Variants in MAF observed in about 807,000 individuals in gnomAD.
The protein encoded by MAF is MAF bZIP transcription factor.
In MAF, 10 loss-of-function variants were observed where a neutral mutation model predicts 22.0. The observed-to-expected ratio is 0.45, with a 90% CI of 0.28 to 0.77. MAF has a LOEUF of 0.77. MAF is among the 30% of genes least tolerant of loss of function. The pLI, the probability that MAF is intolerant of heterozygous loss-of-function variation, is 0.12. For synonymous variants in MAF, 337 were observed against 255.8 expected (o/e 1.32, Z -3.03); for missense variants, 544 against 548.4 (o/e 0.99, Z 0.08).
the MAF span, among the ~76,000 whole-genome samples, chr16:79,502,811 TA>T: frequency 4.9e-5 from 7 of 142,034 alleles, no homozygotes; most frequent in South Asian, 2.2e-4. Context: ...GGATTAATTA[TA>T]AAAAAAAACC....
the MAF span, among the ~76,000 whole-genome samples, chr16:79,310,809 G>T: frequency 6.6e-5 from 10 of 152,198 alleles, no homozygotes; most frequent in Admixed American, 5.9e-4. Context: ...GCCCTGAGTA[G>T]TCCCTGGTCG....
the MAF span, among the ~76,000 whole-genome samples, chr16:79,377,877 A>T: frequency 6.6e-6 from 1 of 152,022 alleles, no homozygotes; most frequent in East Asian, 1.9e-4. Flanking sequence ...GTTCTGTTCC[A>T]TTGGTCTATA....
the MAF span, among the ~76,000 whole-genome samples, chr16:79,551,818 G>A: frequency 1.3e-5 from 2 of 152,146 alleles, no homozygotes; most frequent in Non-Finnish European, 2.9e-5. Context: ...TAATGGCAGA[G>A]TAGCTGAGTA....
At chr16:79,442,495 C>A in the MAF span, among the ~76,000 whole-genome samples, 1 of 152,100 alleles carries the variant, frequency 6.6e-6, no homozygotes, top group Non-Finnish European at 1.5e-5. Flanking sequence ...CGTTGGCACC[C>A]CAAAATGCTA....
At chr16:79,368,706 A>T in the MAF span, among the ~76,000 whole-genome samples, 2 of 152,108 alleles carry the variant, frequency 1.3e-5, no homozygotes, top group Non-Finnish European at 2.9e-5. Context: ...TGGCTAGTGT[A>T]TATTTCTGGA....
the MAF span, among the ~76,000 whole-genome samples, chr16:79,458,152 G>GTGTGTGTGTGTGTGTGT: frequency 6.9e-6 from 1 of 145,526 alleles, no homozygotes; most frequent in African/African-American, 2.6e-5. Flanking sequence ...GTGTGTCTTT[G>GTGTGTGTGTGTGTGTGT]CTGTGTGACT....
At chr16:79,533,988 C>A in the MAF span, among the ~76,000 whole-genome samples, 1 of 152,182 alleles carries the variant, frequency 6.6e-6, no homozygotes, top group Admixed American at 6.5e-5. Context: ...ATGCTCCCCT[C>A]AGCTCACCTG....
the MAF span, among the ~76,000 whole-genome samples, chr16:79,547,280 C>T: frequency 7.9e-5 from 12 of 152,116 alleles, no homozygotes; most frequent in East Asian, 1.9e-4. Flanking sequence ...TATCTACACA[C>T]GCACATACAC....
chr16:79,206,461 T>C, the MAF span: 6 of 152,318 alleles, frequency 3.9e-5, no homozygotes, highest in East Asian at 1.2e-3. Context: ...TCTAAATAAA[T>C]GGAAATACTA....
the MAF span, among the ~76,000 whole-genome samples, chr16:79,298,000 G>C: frequency 6.6e-6 from 1 of 152,240 alleles, no homozygotes; most frequent in Non-Finnish European, 1.5e-5. Flanking sequence ...GTCATGACCA[G>C]CTATGTAATT....
At chr16:79,583,954 G>A (rs1912684500), downstream of MAF, among the ~76,000 whole-genome samples, 1 of 152,194 alleles carries the variant, frequency 6.6e-6, no homozygotes, top group South Asian at 2.1e-4. Flanking sequence ...TGGTTGATGT[G>A]CGTATGTTAA....
chr16:79,596,750 ATTTTT>A (rs1263731040), intron 1 of MAF: 2 of 1,041,038 alleles, frequency 1.9e-6, no homozygotes, highest in African/African-American at 1.7e-5. Flanking sequence ...AAAACTGTGG[ATTTTT>A]TTTTAAGTTA....
chr16:79,389,207 G>T, the MAF span, among the ~76,000 whole-genome samples: 3 of 152,120 alleles, frequency 2.0e-5, no homozygotes, highest in Non-Finnish European at 2.9e-5. Flanking sequence ...ACCACTGTGG[G>T]GATGGGAAAG....
At chr16:79,558,075 T>G in the MAF span, among the ~76,000 whole-genome samples, 66,193 of 150,834 alleles carry the variant, frequency 0.44, 14,883 homozygotes, top group Admixed American at 0.5. Context: ...TGGAAACTGA[T>G]CACTGAATTG....
At chr16:79,493,023 AC>A in the MAF span, among the ~76,000 whole-genome samples, 1 of 151,950 alleles carries the variant, frequency 6.6e-6, no homozygotes, top group Non-Finnish European at 1.5e-5. Context: ...CAGTGGCACA[AC>A]CTCAGCTCAC....
At chr16:79,474,739 G>A in the MAF span, among the ~76,000 whole-genome samples, 10 of 152,260 alleles carry the variant, frequency 6.6e-5, no homozygotes, top group African/African-American at 1.9e-4. Flanking sequence ...CCTTGAGCAT[G>A]AGCATGACCC....
chr16:79,300,337 A>T, the MAF span, among the ~76,000 whole-genome samples: 25 of 152,082 alleles, frequency 1.6e-4, 1 homozygote, highest in East Asian at 4.8e-3. Flanking sequence ...CAGGTGGATC[A>T]CCAGGTCAGG....
At chr16:79,567,043 G>A in the MAF span, among the ~76,000 whole-genome samples, 1 of 152,188 alleles carries the variant, frequency 6.6e-6, no homozygotes, top group Admixed American at 6.5e-5. Flanking sequence ...CATTAGGTGG[G>A]GCATGGTGGC....
the MAF span, among the ~76,000 whole-genome samples, chr16:79,275,988 A>G: frequency 3.9e-5 from 6 of 152,104 alleles, no homozygotes; most frequent in Middle Eastern, 3.4e-3. Context: ...AAAAATACAA[A>G]AAGTTTGCCA....
Sources: allele counts gnomAD v4.1 joint callset (sites outside exome capture counted in the v4.1 genomes callset), GRCh38; gene constraint gnomAD v4.1.1; transcripts MANE v1.5; gene names NCBI Gene and HGNC (gene_info 2026-07-23, HGNC 2026-07-21).